The following UTRN variants were observed in gnomAD, a reference collection of about 807,000 sequenced individuals.
UTRN encodes the protein dystrophin-related protein 1.
UTRN carries 283 observed loss-of-function variants against 463.9 expected under a neutral mutation model. The ratio of observed to expected loss-of-function variants is 0.61; its 90% CI spans 0.55 to 0.67. The LOEUF is 0.67. Among genes scored for constraint, UTRN ranks in the 30% least tolerant of loss-of-function variants. The pLI is 0.00. For missense variants in UTRN, 3,922 were observed against 4,084.3 expected (o/e 0.96, Z 1.08); for synonymous variants, 1,442 against 1,431.5 (o/e 1.01, Z -0.17).
intron 2 of UTRN, among the ~76,000 whole-genome samples, chr6:144,381,435 A>C (rs907511069): frequency 2.0e-5 from 3 of 152,190 alleles, no homozygotes; most frequent in African/African-American, 7.2e-5. Context: ...ATGGGCATTT[A>C]GGTTGATTCA....
chr6:144,475,025 G>A (rs1352480412), intron 25 of UTRN, among the ~76,000 whole-genome samples: 1 of 152,176 alleles, frequency 6.6e-6, no homozygotes, highest in Admixed American at 6.5e-5. Context: ...TTACCCCTAA[G>A]ACATTTGAGT....
rs748196459 is a variant in UTRN at position 144,523,006 on chromosome 6, A to G, written c.5734-10A>G. ...CTGGATTTTGTTAATCTATGACAATATATTTTTAGAATATCAAAGACCAAC... is the reference window on the plus strand; with the variant it reads ...CTGGATTTTGTTAATCTATGACAATGTATTTTTAGAATATCAAAGACCAAC... On this transcript the variant is annotated splice_polypyrimidine_tract_variant and intron_variant, in intron 40 of 74. Transcript: ENST00000367545. 6.4e-6 allele frequency: 10 copies of G among 1,573,136 alleles called. No homozygotes were observed. Among genetic ancestry groups the G allele is most frequent in the Non-Finnish European group, 7.7e-6 (9 of 1,161,554 alleles).
chr6:144,425,925 A>G (rs1444605237), intron 6 of UTRN, among the ~76,000 whole-genome samples: 1 of 152,244 alleles, frequency 6.6e-6, no homozygotes, highest in Non-Finnish European at 1.5e-5. Context: ...TCATTTTTGT[A>G]GAAAATAAAA....
At chr6:144,462,908 T>C (rs1416506124) in intron 23 of UTRN, 42 bp downstream of exon 23, 2 of 1,404,500 alleles carry the variant, frequency 1.4e-6, no homozygotes. Flanking sequence ...TATTACGGGG[T>C]AAATAGTAAT....
chr6:144,745,943 T>C (rs545752379), intron 54 of UTRN, among the ~76,000 whole-genome samples: 181 of 151,532 alleles, frequency 1.2e-3, no homozygotes, highest in African/African-American at 4.2e-3. Flanking sequence ...AGACATAACA[T>C]TTTATATTTA....
At chr6:144,832,791 A>G (rs1210273652) in intron 69 of UTRN, among the ~76,000 whole-genome samples, 1 of 152,040 alleles carries the variant, frequency 6.6e-6, no homozygotes, top group East Asian at 1.9e-4. Context: ...GTATCATAGA[A>G]CTAATTTTTT....
intron 35 of UTRN, among the ~76,000 whole-genome samples, chr6:144,511,537 G>T (rs953628807): frequency 1.3e-5 from 2 of 152,126 alleles, no homozygotes; most frequent in Non-Finnish European, 2.9e-5. Context: ...TACTAGCTTG[G>T]TAACACTGGT....
chr6:144,690,130 T>TGTGTGTGTG (rs1562770946), intron 52 of UTRN, among the ~76,000 whole-genome samples: 35 of 115,172 alleles, frequency 3.0e-4, no homozygotes, highest in East Asian at 1.1e-3. Context: ...TGTGTGTGTG[T>TGTGTGTGTG]TAAGCTACCA....
At chr6:144,507,202 G>A (rs1027223683) in intron 34 of UTRN, among the ~76,000 whole-genome samples, 2 of 151,698 alleles carry the variant, frequency 1.3e-5, no homozygotes, top group African/African-American at 4.8e-5. Flanking sequence ...CTTGCATTGG[G>A]TTAGAACTTG....
At chr6:144,739,517 T>A (rs1789814729) in intron 54 of UTRN, among the ~76,000 whole-genome samples, 1 of 152,196 alleles carries the variant, frequency 6.6e-6, no homozygotes, top group African/African-American at 2.4e-5. Flanking sequence ...AGGGCTTTTG[T>A]TTTCCTCACT....
intron 51 of UTRN, among the ~76,000 whole-genome samples, chr6:144,630,183 A>G (rs1157857640): frequency 6.6e-6 from 1 of 152,156 alleles, no homozygotes; most frequent in East Asian, 1.9e-4. Flanking sequence ...GCGAGACTCC[A>G]TCTCAAAAAA....
intron 1 of UTRN, among the ~76,000 whole-genome samples, chr6:144,287,857 A>G (rs1803843125): frequency 6.6e-6 from 1 of 152,246 alleles, no homozygotes; most frequent in African/African-American, 2.4e-5. Flanking sequence ...AGAGGTAACA[A>G]TAAATTGCAT....
chr6:144,744,628 CAT>C lies in UTRN; in HGVS notation c.7940-3616_7940-3615del, dbSNP rs1416116885. On this transcript the variant is annotated intron_variant, in intron 54 of 74. Transcript: ENST00000367545. ...ATACACACACACACACACACACACA[CAT>C]ACACACACACACACACACACACTTT... 1.6e-3 allele frequency among the ~76,000 whole-genome samples: 88 copies of C among 55,850 alleles called. No individual in the cohort carries two copies. The African/African-American group carries it at 0.024, about 15-fold the overall frequency. 36.6% of individuals were successfully genotyped at this position (55,850 alleles called of 152,430 possible).
intron 2 of UTRN, among the ~76,000 whole-genome samples, chr6:144,328,248 G>A (rs1244078021): frequency 6.6e-6 from 1 of 151,764 alleles, no homozygotes; most frequent in Non-Finnish European, 1.5e-5. Context: ...TATGCGTAGT[G>A]CATACACATG....
chr6:144,797,920 G>A lies in UTRN; in HGVS notation c.9175G>A (p.Ala3059Thr). The change falls in exon 64 of 75, where the codon GCA (alanine) becomes ACA (threonine). Residue 3059 changes from alanine (A) to threonine (T), a missense_variant. Around this residue, in one of 3 missense-constraint regions of UTRN, gnomAD observed 1,309 missense variants for 1,452.6 expected, o/e 0.90. Coordinates refer to ENST00000367545, the MANE Select transcript of UTRN (RefSeq NM_007124.3). The part of the protein sequence containing the change: ...MVWLPVLHRV[A>T]AAETAKHQAK... The stretch of plus-strand genomic sequence containing the variant: ...TTGGCTCCCAGTTTTACATCGAGTG[G>A]CAGCAGCGGAGACTGCAAAACATCA... The A allele has an allele frequency of 6.2e-7, 1 of 1,614,160 alleles. No homozygotes were observed. The highest frequency in any genetic ancestry group is 8.5e-7 in the Non-Finnish European group (1 of 1,180,010).
At chr6:144,722,477 A>T (rs1787307545) in intron 53 of UTRN, among the ~76,000 whole-genome samples, 1 of 152,006 alleles carries the variant, frequency 6.6e-6, no homozygotes, top group Admixed American at 6.6e-5. Flanking sequence ...CCACACTCCT[A>T]TGCAGAGGGA....
chr6:144,690,336 C>T (rs1308572399), intron 52 of UTRN, among the ~76,000 whole-genome samples: 1 of 151,712 alleles, frequency 6.6e-6, no homozygotes. Flanking sequence ...TAGCCAGCAG[C>T]AGTAAGACCC....
chr6:144,371,294 C>A (rs1261890157), intron 2 of UTRN, among the ~76,000 whole-genome samples: 1 of 152,068 alleles, frequency 6.6e-6, no homozygotes. Flanking sequence ...CCTTTCCATG[C>A]CAGTATTAGT....
chr6:144,765,446 CT>C (rs1023128848), intron 58 of UTRN, among the ~76,000 whole-genome samples: 3 of 152,296 alleles, frequency 2.0e-5, no homozygotes, highest in African/African-American at 7.2e-5. Flanking sequence ...CAGGGTCTCA[CT>C]CTGTTGCCCA....
Sources: allele counts gnomAD v4.1 joint callset (sites outside exome capture counted in the v4.1 genomes callset), GRCh38; gene constraint gnomAD v4.1.1; regional missense constraint gnomAD v4.1.1; transcripts MANE v1.5; gene names NCBI Gene and HGNC (gene_info 2026-07-23, HGNC 2026-07-21).